The following SMCO2 variants were observed in gnomAD, a reference collection of about 807,000 sequenced individuals.
SMCO2 encodes the protein single-pass membrane and coiled-coil domain-containing protein 2.
SMCO2 carries 25 observed loss-of-function variants against 29.5 expected under a neutral mutation model. That is an observed-to-expected ratio of 0.85 (90% CI 0.62 to 1.18). SMCO2 has a LOEUF of 1.18. Ranked by LOEUF, SMCO2 falls within the 50% of genes most tolerant of loss-of-function variation. The pLI is 0.00. For missense variants in SMCO2, 348 were observed against 344.5 expected, an observed-to-expected ratio of 1.01 and a Z score of -0.08; for synonymous variants, 117 against 123.3, an observed-to-expected ratio of 0.95 and a Z score of 0.34.
chr12:27,459,757 A>C, the SMCO2 span, among the ~76,000 whole-genome samples: 2 of 152,238 alleles, frequency 1.3e-5, no homozygotes, highest in Non-Finnish European at 2.9e-5. Flanking sequence ...TGCTCAAGCC[A>C]TCACACTCAC....
the SMCO2 span, among the ~76,000 whole-genome samples, chr12:27,447,251 C>T: frequency 6.6e-6 from 1 of 152,164 alleles, no homozygotes; most frequent in Non-Finnish European, 1.5e-5. Flanking sequence ...CCTCATGCCC[C>T]ACAGTCCAGG....
the SMCO2 span, chr12:27,424,556 A>T: frequency 6.6e-6 from 1 of 152,206 alleles, no homozygotes; most frequent in African/African-American, 2.4e-5. Context: ...CTTTGTTGTC[A>T]TAGTCTTTGA....
the SMCO2 span, among the ~76,000 whole-genome samples, chr12:27,445,867 AG>A: frequency 6.6e-6 from 1 of 152,016 alleles, no homozygotes; most frequent in Non-Finnish European, 1.5e-5. Context: ...GGCTTGTAGA[AG>A]GTGGCCTTCT....
chr12:27,445,899 TTCTC>T, the SMCO2 span, among the ~76,000 whole-genome samples: 1 of 151,910 alleles, frequency 6.6e-6, no homozygotes, highest in Non-Finnish European at 1.5e-5. Context: ...TTCTTTTTCT[TTCTC>T]TCTCTCTCTT....
the SMCO2 span, among the ~76,000 whole-genome samples, chr12:27,433,807 T>C: frequency 6.6e-6 from 1 of 152,370 alleles, no homozygotes; most frequent in Admixed American, 6.5e-5. Flanking sequence ...AGATACAGTT[T>C]TGGTGAGCAT....
chr12:27,461,225 A>G, the SMCO2 span, among the ~76,000 whole-genome samples: 15 of 152,034 alleles, frequency 9.9e-5, no homozygotes, highest in African/African-American at 3.6e-4. Flanking sequence ...TTATTATTTT[A>G]TTGTTGTATT....
At position 27,485,604 on chromosome 12, in the gene SMCO2, T is replaced by C. The variant is rs144933885; in HGVS notation, c.363-2856T>C. Among the ~76,000 whole-genome samples the C allele has an allele frequency of 4.6e-3, 706 of 151,866 alleles. 9 individuals are homozygous for C. Among genetic ancestry groups the C allele is most frequent in the Non-Finnish European group, 6.1e-3 (417 of 67,956 alleles). On this transcript the variant is annotated intron_variant, in intron 4 of 7. Coordinates refer to ENST00000298876, the Ensembl canonical transcript of SMCO2. ...ATTATAGGCACGTGCCACCCATACC[T>C]GATTAATTTTTTTAGTATTTTTAGT...
chr12:27,479,929 A>G (rs1324916700), intron 4 of SMCO2, among the ~76,000 whole-genome samples: 2 of 152,198 alleles, frequency 1.3e-5, no homozygotes, highest in East Asian at 3.9e-4. Context: ...CACATGGTGA[A>G]GTCCCACGAT....
the SMCO2 span, among the ~76,000 whole-genome samples, chr12:27,457,780 C>T: frequency 1.3e-5 from 2 of 152,214 alleles, no homozygotes; most frequent in Non-Finnish European, 2.9e-5. Flanking sequence ...TCAGAATCTA[C>T]ATAAGACATA....
At chr12:27,447,856 T>C in the SMCO2 span, among the ~76,000 whole-genome samples, 1 of 152,192 alleles carries the variant, frequency 6.6e-6, no homozygotes, top group East Asian at 1.9e-4. Context: ...TTCGGGCTTC[T>C]GTAGATGTAC....
At chr12:27,433,526 C>CAT in the SMCO2 span, among the ~76,000 whole-genome samples, 1 of 151,284 alleles carries the variant, frequency 6.6e-6, no homozygotes, top group Non-Finnish European at 1.5e-5. Flanking sequence ...CACACACACA[C>CAT]ACACACACAC....
the SMCO2 span, among the ~76,000 whole-genome samples, chr12:27,436,302 G>T: frequency 6.6e-6 from 1 of 152,152 alleles, no homozygotes; most frequent in Non-Finnish European, 1.5e-5. Context: ...CACAAAGGTT[G>T]CTTTGTCTGT....
chr12:27,497,579 A>G (rs1943021493), intron 7 of SMCO2: 1 of 131,244 alleles, frequency 7.6e-6, no homozygotes. Flanking sequence ...TTGTATCTAC[A>G]AAAAAAAAAA....
At chr12:27,468,188 T>C (rs1463559057) in intron 1 of SMCO2, among the ~76,000 whole-genome samples, 1 of 148,366 alleles carries the variant, frequency 6.7e-6, no homozygotes, top group Non-Finnish European at 1.5e-5. Context: ...AGCTTGATTC[T>C]CCAAAGTTTA....
intron 4 of SMCO2, among the ~76,000 whole-genome samples, chr12:27,486,594 A>G (rs2135564944): frequency 6.6e-6 from 1 of 152,370 alleles, no homozygotes; most frequent in Non-Finnish European, 1.5e-5. Context: ...CATTAAAAAC[A>G]TTCTAATTTT....
At chr12:27,438,549 A>G in the SMCO2 span, among the ~76,000 whole-genome samples, 2 of 151,970 alleles carry the variant, frequency 1.3e-5, no homozygotes. Context: ...ATATTTGCCC[A>G]TTTTCCAAAC....
the SMCO2 span, among the ~76,000 whole-genome samples, chr12:27,460,619 T>A: frequency 6.6e-6 from 1 of 151,732 alleles, no homozygotes; most frequent in African/African-American, 2.4e-5. Context: ...GTCTCAGGGG[T>A]GGCAGAGGCA....
chr12:27,436,287 A>ATGG, the SMCO2 span, among the ~76,000 whole-genome samples: 1 of 152,226 alleles, frequency 6.6e-6, no homozygotes, highest in Non-Finnish European at 1.5e-5. Context: ...CATCAGTATT[A>ATGG]ACAACACAAA....
the SMCO2 span, among the ~76,000 whole-genome samples, chr12:27,428,624 A>C: frequency 6.7e-6 from 1 of 149,752 alleles, no homozygotes; most frequent in Non-Finnish European, 1.5e-5. Flanking sequence ...TGCTTAAGGC[A>C]TTGTGTGTTG....
Sources: allele counts gnomAD v4.1 joint callset (sites outside exome capture counted in the v4.1 genomes callset), GRCh38; gene constraint gnomAD v4.1.1; transcripts MANE v1.5; gene names NCBI Gene and HGNC (gene_info 2026-07-23, HGNC 2026-07-21).